The following HYI variants were observed in gnomAD, a reference collection of about 807,000 sequenced individuals.
HYI encodes the protein hydroxypyruvate isomerase (putative).
HYI carries 47 observed loss-of-function variants against 39.7 expected under a neutral mutation model. The ratio of observed to expected loss-of-function variants is 1.18; its 90% confidence interval spans 0.94 to 1.51. The LOEUF (loss-of-function observed/expected upper bound fraction) is 1.51, where lower values mean the gene tolerates loss of function less well. HYI is among the 40% of genes most tolerant of loss of function. HYI has a pLI of 0.00. For missense variants in HYI, 465 were observed against 370.3 expected (o/e 1.26, Z -2.10); for synonymous variants, 186 against 158.8 (o/e 1.17, Z -1.29).
Position 43,453,737 on chromosome 1 carries a change from G to C in HYI, c.57C>G (p.Gly19=). Reference sequence around the variant, plus strand: ...CCGCGGCCCGCACCCGCGCGGGGAGGCCGGAGAGCTCGGGGAATAGCCAGG... The same window carrying C: ...CCGCGGCCCGCACCCGCGCGGGGAGCCCGGAGAGCTCGGGGAATAGCCAGG... The part of the protein sequence containing the change: ...NLSWLFPELS[G]LPARVRAAGS... Residue 19 remains glycine (G), a synonymous_variant, in exon 1 of 8, where the codon GGC becomes GGG. Transcript: ENST00000372430. The C allele has an allele frequency of 7.2e-7, 1 of 1,387,646 alleles. No individual in the cohort carries two copies. The highest frequency in any genetic ancestry group is 3.7e-5 in the Admixed American group (1 of 26,722). 86.0% of individuals were successfully genotyped at this position (1,387,646 alleles called of 1,614,324 possible). A position where few individuals can be genotyped will look rare whatever the true frequency, so the allele number is the denominator to read the frequency against.
At chr1:43,453,012 A>G (rs1156275054) in intron 2 of HYI, 4 of 1,520,730 alleles carry the variant, frequency 2.6e-6, no homozygotes, top group Non-Finnish European at 3.6e-6. Context: ...CTCCTTGAAG[A>G]CAGTCCAAGC....
Position 43,451,532 on chromosome 1 carries a change from A to G in HYI, c.638T>C (p.Val213Ala). ...EFLPIVGHVQ[V>A]AQVPGRGEPS... ...CTCCCCTCGGCCTGGGACCTGTGCC[A>G]CCTGCACATGCCCTGGGGACAGATG... is the stretch of plus-strand genomic sequence containing the variant. The change falls in exon 7 of 8, where the codon GTG becomes GCG. Residue 213 changes from valine (V) to alanine (A), a missense_variant. By Grantham distance (64) the Val-to-Ala change is moderately conservative. Transcript: ENST00000372430. 1 of 1,614,006 alleles carries G rather than the reference A, an allele frequency of 6.2e-7. No individual in the cohort carries two copies. The highest frequency in any genetic ancestry group is 8.5e-7 in the Non-Finnish European group (1 of 1,179,988).
intron 3 of HYI, 26 bp from the exon 4 acceptor site, chr1:43,452,039 T>C: frequency 6.3e-7 from 1 of 1,587,912 alleles, no homozygotes; most frequent in Non-Finnish European, 8.6e-7. Context: ...GTGCTGTGAA[T>C]AGAGCTCCTT....
chr1:43,453,221 G>A, intron 2 of HYI, 165 bp downstream of exon 2: 1 of 639,222 alleles, frequency 1.6e-6, no homozygotes, highest in Non-Finnish European at 2.7e-6. Flanking sequence ...AGTGGCATAA[G>A]ACAGATAAAA....
chr1:43,453,826 G>T lies in HYI; in HGVS notation c.-33C>A. On this transcript the variant is annotated 5_prime_UTR_variant, in exon 1 of 8. Coordinates refer to ENST00000372430, the MANE Select transcript of HYI (RefSeq NM_001190880.3). ...GAGGCCGGGCCGGGCGGAGTCCGCG[G>T]GATCCAAAGGCGGCGGGCGGCGGGC... is the stretch of plus-strand genomic sequence containing the variant. 3 of 1,230,512 alleles carry T rather than the reference G, an allele frequency of 2.4e-6. No individual in the cohort carries two copies. The highest frequency in any genetic ancestry group is 3.0e-6 in the Non-Finnish European group (3 of 988,744). 76.2% of individuals were successfully genotyped at this position (1,230,512 alleles called of 1,614,324 possible).
chr1:43,451,542 G>A lies in HYI; in HGVS notation c.628C>T (p.His210Tyr). The A allele has an allele frequency of 6.2e-7, 1 of 1,614,034 alleles. No homozygotes were observed. The highest frequency in any genetic ancestry group is 8.5e-7 in the Non-Finnish European group (1 of 1,179,978). Residue 210 changes from histidine (H) to tyrosine (Y), a missense_variant and splice_region_variant, in exon 7 of 8, where the codon CAT (histidine) becomes TAT (tyrosine). Physicochemically the swap from His to Tyr is moderately conservative, Grantham distance 83. Transcript: ENST00000372430. The part of the protein sequence containing the change: ...NIREFLPIVG[H>Y]VQVAQVPGRG... The stretch of plus-strand genomic sequence containing the variant: ...CCTGGGACCTGTGCCACCTGCACAT[G>A]CCCTGGGGACAGATGTGGACAAATG...
In HYI at chr1:43,451,779, A is replaced by C; in HGVS notation, c.555+19T>G. ...GCCCCGCCCTCCTTCCGATCTGCGA[A>C]GTACCCCCTTCCACTTACCATTTGT... On this transcript the variant is annotated intron_variant, in intron 5 of 7. Coordinates refer to ENST00000372430, the MANE Select transcript of HYI (RefSeq NM_001190880.3). 1 of 1,614,106 alleles carries C rather than the reference A, an allele frequency of 6.2e-7. No homozygotes were observed. Among genetic ancestry groups the C allele is most frequent in the African/African-American group, 1.3e-5 (1 of 75,038 alleles).
Position 43,451,650 on chromosome 1 carries a change from A to G in HYI, c.623T>C (p.Val208Ala), listed in dbSNP as rs746943963. ...TGNIREFLPI[V>A]GHVQVAQVPG... ...AGGGCAAAGGAAGGTCCTCTCACCA[A>G]CAATGGGCAGGAACTCCCGGATGTT... The change falls in exon 6 of 8, where the codon GTT (valine) becomes GCT (alanine). Residue 208 changes from valine (V) to alanine (A), a missense_variant and splice_region_variant. Physicochemically the swap from Val to Ala is moderately conservative, Grantham distance 64. Coordinates refer to ENST00000372430, the MANE Select transcript of HYI (RefSeq NM_001190880.3). 8 of 1,614,188 alleles carry G rather than the reference A, an allele frequency of 5.0e-6. No homozygotes were observed. Among genetic ancestry groups the G allele is most frequent in the Non-Finnish European group, 6.8e-6 (8 of 1,180,012 alleles).
At chr1:43,451,605 G>GT (rs752223896) in intron 6 of HYI, 43 bp downstream of exon 6, 1 of 1,614,002 alleles carries the variant, frequency 6.2e-7, no homozygotes, top group Non-Finnish European at 8.5e-7. Context: ...AAGGACAGAT[G>GT]TGGGGATTGA....
intron 2 of HYI, chr1:43,453,049 G>A (rs1257723750): frequency 2.4e-6 from 3 of 1,224,666 alleles, no homozygotes; most frequent in Non-Finnish European, 3.6e-6. Flanking sequence ...AGCTTTCTCT[G>A]ATCCAGACAG....
intron 2 of HYI, chr1:43,452,586 A>C (rs920336425): frequency 1.7e-6 from 1 of 601,112 alleles, no homozygotes; most frequent in Non-Finnish European, 3.0e-6. Flanking sequence ...CCTTCTCCGC[A>C]ACCTGTAACC....
chr1:43,451,869 G>A (rs781332294), intron 4 of HYI, 22 bp from the exon 5 acceptor site: 1 of 1,614,092 alleles, frequency 6.2e-7, no homozygotes, highest in Non-Finnish European at 8.5e-7. Flanking sequence ...GCCAGGGAGG[G>A]GACCGTGAGC....
intron 2 of HYI, chr1:43,452,907 C>G: frequency 6.2e-7 from 1 of 1,601,548 alleles, no homozygotes; most frequent in Non-Finnish European, 8.5e-7. Flanking sequence ...ACATACATGT[C>G]CAGCCTCAGG....
Position 43,451,355 on chromosome 1 carries a change from AAAC to A in HYI, c.761-47_761-45del, listed in dbSNP as rs760969869. On this transcript the variant is annotated intron_variant, in intron 7 of 7. Transcript: ENST00000372430. ...CTCGGCACCTCAGCCCACAAGGAGA[AAAC>A]AGCCCCTGTCCGGGTCCCTCCAGAG... 3 of 1,612,524 alleles carry A rather than the reference AAAC, an allele frequency of 1.9e-6. No individual in the cohort carries two copies. The African/African-American group carries it at 4.0e-5, about 22-fold the overall frequency.
chr1:43,452,916 G>A lies in HYI; in HGVS notation c.311+470C>T, dbSNP rs374607343. 158 of 1,605,126 alleles carry A rather than the reference G, an allele frequency of 9.8e-5. 5 individuals are homozygous for A. The East Asian group carries it at 1.3e-3, about 13-fold the overall frequency. On this transcript the variant is annotated intron_variant, in intron 2 of 7. Coordinates refer to ENST00000372430, the MANE Select transcript of HYI (RefSeq NM_001190880.3). Reference sequence around the variant, plus strand: ...CAGGCTACATACATGTCCAGCCTCAGGAACGCTGCCAAATACACCAGGCCT... The same window carrying A: ...CAGGCTACATACATGTCCAGCCTCAAGAACGCTGCCAAATACACCAGGCCT...
intron 4 of HYI, 21 bp downstream of exon 4, chr1:43,451,914 G>T (rs770868937): frequency 1.9e-6 from 3 of 1,613,326 alleles, no homozygotes; most frequent in South Asian, 1.1e-5. Flanking sequence ...GACAGAAGGA[G>T]AGACAGGGCT....
At chr1:43,450,859 C>T (rs373653918), downstream of HYI, 42 of 718,776 alleles carry the variant, frequency 5.8e-5, no homozygotes, top group Admixed American at 1.0e-4. The surrounding 1 kb of genome is among the most constrained non-coding windows in gnomAD (Gnocchi z 4.3). Context: ...CTGTCAGCCA[C>T]CTGTGTCCCT....
chr1:43,452,817 C>T, intron 2 of HYI: 2 of 1,408,574 alleles, frequency 1.4e-6, no homozygotes, highest in Non-Finnish European at 2.0e-6. Context: ...TTTGAGCCGT[C>T]CACCTCCTCC....
At chr1:43,452,167 G>A (rs1254698230) in intron 3 of HYI, 38 bp downstream of exon 3, 2 of 1,553,792 alleles carry the variant, frequency 1.3e-6, no homozygotes, top group South Asian at 1.1e-5. Flanking sequence ...CACACCCACA[G>A]AGACATGTAA....
Sources: allele counts gnomAD v4.1 joint callset, GRCh38; gene constraint gnomAD v4.1.1; non-coding constraint Gnocchi (gnomAD v3.1); transcripts MANE v1.5; gene names NCBI Gene and HGNC (gene_info 2026-07-23, HGNC 2026-07-21).